RBFOX1: variants seen among roughly 807,000 people sequenced by gnomAD.
RBFOX1 encodes the protein RNA binding protein fox-1 homolog 1.
RBFOX1 carries 8 observed loss-of-function variants against 57.7 expected under a neutral mutation model. The ratio of observed to expected loss-of-function variants is 0.14; its 90% CI spans 0.08 to 0.25. The LOEUF (loss-of-function observed/expected upper bound fraction) is 0.25. Among genes scored for constraint, RBFOX1 ranks in the 10% least tolerant of loss-of-function variants. RBFOX1 has a pLI of 1.00. For synonymous variants in RBFOX1, 326 were observed against 222.4 expected (o/e 1.47, Z -4.15); for missense variants, 611 against 548.5 (o/e 1.11, Z -1.14).
chr16:6,975,454 A>G (rs2086622477), intron 3 of RBFOX1, among the ~76,000 whole-genome samples: 1 of 152,018 alleles, frequency 6.6e-6, no homozygotes, highest in South Asian at 2.1e-4. Context: ...TTTAGTGGAG[A>G]TGGGGTTTCA....
At chr16:5,783,335 T>C (rs1183729441) in intron 3 of RBFOX1, among the ~76,000 whole-genome samples, 4 of 152,246 alleles carry the variant, frequency 2.6e-5, no homozygotes, top group Non-Finnish European at 4.4e-5. Context: ...ATCTAGTTTG[T>C]ACCAATCTGT....
chr16:5,360,258 A>G (rs2065507626), intron 1 of RBFOX1, among the ~76,000 whole-genome samples: 1 of 152,172 alleles, frequency 6.6e-6, no homozygotes, highest in Non-Finnish European at 1.5e-5. Flanking sequence ...GGAAGGCTGG[A>G]GGGCGAGGGA....
At chr16:7,574,587 G>A (rs1260632183) in intron 5 of RBFOX1, among the ~76,000 whole-genome samples, 2 of 152,300 alleles carry the variant, frequency 1.3e-5, no homozygotes, top group South Asian at 4.1e-4. Context: ...TAGGCTGGAA[G>A]ACTCAGCCAG....
chr16:5,916,494 A>G (rs1009886694), intron 4 of RBFOX1, among the ~76,000 whole-genome samples: 10 of 151,994 alleles, frequency 6.6e-5, no homozygotes, highest in Non-Finnish European at 1.3e-4. Flanking sequence ...AAATTTGCCT[A>G]TTCACCACTT....
chr16:7,479,145 A>G (rs1271679037), intron 4 of RBFOX1, among the ~76,000 whole-genome samples: 4 of 148,320 alleles, frequency 2.7e-5, no homozygotes, highest in Non-Finnish European at 3.0e-5. Flanking sequence ...AATTTTAGGG[A>G]CAGGGTCTCG....
At chr16:5,256,347 A>G (rs1320638877) in intron 1 of RBFOX1, among the ~76,000 whole-genome samples, 2 of 152,100 alleles carry the variant, frequency 1.3e-5, no homozygotes, top group African/African-American at 4.8e-5. Context: ...AGTCCACCAG[A>G]TCTGGGAATG....
intron 4 of RBFOX1, among the ~76,000 whole-genome samples, chr16:7,131,996 T>G (rs1053018619): frequency 5.1e-5 from 5 of 98,048 alleles, no homozygotes; most frequent in Non-Finnish European, 9.8e-5. Flanking sequence ...CTTTTTTTCT[T>G]TCTTTTTTTT....
At chr16:7,153,837 A>G (rs943281613) in intron 4 of RBFOX1, among the ~76,000 whole-genome samples, 3 of 152,152 alleles carry the variant, frequency 2.0e-5, no homozygotes, top group African/African-American at 7.2e-5. Context: ...GATGCCCTCA[A>G]ACAGGCTATC....
At chr16:6,503,805 A>G (rs755934660) in intron 2 of RBFOX1, among the ~76,000 whole-genome samples, 42 of 152,176 alleles carry the variant, frequency 2.8e-4, no homozygotes, top group Non-Finnish European at 5.6e-4. Flanking sequence ...ACTCACCTGG[A>G]AAAGGTATAT....
At chr16:6,820,211 C>A (rs1343084915) in intron 3 of RBFOX1, among the ~76,000 whole-genome samples, 1 of 152,168 alleles carries the variant, frequency 6.6e-6, no homozygotes, top group African/African-American at 2.4e-5. Flanking sequence ...TGAGGCCTCC[C>A]CAGCCATGTG....
At chr16:7,295,433 T>C (rs2095869881) in intron 4 of RBFOX1, among the ~76,000 whole-genome samples, 1 of 152,174 alleles carries the variant, frequency 6.6e-6, no homozygotes, top group African/African-American at 2.4e-5. Flanking sequence ...TAATAGTTGC[T>C]ATATATTGAG....
At chr16:6,422,033 G>A (rs1448897474) in intron 2 of RBFOX1, among the ~76,000 whole-genome samples, 1 of 127,776 alleles carries the variant, frequency 7.8e-6, no homozygotes, top group East Asian at 2.2e-4. Context: ...CAATTCTCCT[G>A]CCTCAGCCTC....
At chr16:6,384,841 A>T (rs1036206718) in intron 2 of RBFOX1, among the ~76,000 whole-genome samples, 1 of 152,168 alleles carries the variant, frequency 6.6e-6, no homozygotes, top group Non-Finnish European at 1.5e-5. Flanking sequence ...TCAGCCTGTG[A>T]TCTGGGAGGT....
intron 3 of RBFOX1, among the ~76,000 whole-genome samples, chr16:6,975,479 C>T (rs762488421): frequency 2.6e-5 from 4 of 152,088 alleles, no homozygotes; most frequent in African/African-American, 9.7e-5. Context: ...CTTGGCCAAG[C>T]TGGTCTCAAA....
At chr16:7,261,804 C>T (rs1395693701) in intron 4 of RBFOX1, among the ~76,000 whole-genome samples, 1 of 152,140 alleles carries the variant, frequency 6.6e-6, no homozygotes, top group Non-Finnish European at 1.5e-5. Flanking sequence ...CCCTGGAGAG[C>T]TTTGAAAGCA....
rs559842517 is a variant in RBFOX1 at position 6,517,908 on chromosome 16, A to G, written c.-63-136695A>G. Among the ~76,000 whole-genome samples, 2 of 152,316 alleles carry G rather than the reference A, an allele frequency of 1.3e-5. 1 individual carries two copies. Among genetic ancestry groups the G allele is most frequent in the African/African-American group, 4.8e-5 (2 of 41,572 alleles). ...TGGGGCCTTAATACTTGTGGTGATG[A>G]TAATGAGATGTCGATAGTAGTGATG... On this transcript the variant is annotated intron_variant, in intron 2 of 15. Coordinates refer to ENST00000550418, the MANE Select transcript of RBFOX1 (RefSeq NM_018723.4).
At chr16:5,550,081 A>G (rs763874850) in intron 2 of RBFOX1, among the ~76,000 whole-genome samples, 1 of 152,228 alleles carries the variant, frequency 6.6e-6, no homozygotes, top group Non-Finnish European at 1.5e-5. Context: ...GCAAAATGTT[A>G]TGCTCAGATT....
At chr16:6,550,987 T>G (rs11077047) in intron 2 of RBFOX1, among the ~76,000 whole-genome samples, 1 of 152,140 alleles carries the variant, frequency 6.6e-6, no homozygotes, top group East Asian at 1.9e-4. Flanking sequence ...ATTAATAGTT[T>G]GGAGGAGCAC....
intron 4 of RBFOX1, among the ~76,000 whole-genome samples, chr16:7,129,280 C>T (rs553085959): frequency 2.8e-4 from 42 of 152,022 alleles, no homozygotes; most frequent in Non-Finnish European, 5.7e-4. Flanking sequence ...TCATTTTGGC[C>T]AGGAAAACAA....
Sources: allele counts gnomAD v4.1 joint callset (sites outside exome capture counted in the v4.1 genomes callset), GRCh38; gene constraint gnomAD v4.1.1; transcripts MANE v1.5; gene names NCBI Gene and HGNC (gene_info 2026-07-23, HGNC 2026-07-21).